Variants in MAST4 observed in about 807,000 individuals in gnomAD.
MAST4 encodes the protein microtubule-associated serine/threonine-protein kinase 4.
In MAST4, 89 loss-of-function variants were observed where a neutral mutation model predicts 162.7. That is an observed-to-expected ratio of 0.55 (90% CI 0.46 to 0.65). The LOEUF is 0.65. Ranked by LOEUF, MAST4 falls within the 30% of genes least tolerant of loss-of-function variation. The pLI, the probability that MAST4 is intolerant of heterozygous loss-of-function variation, is 0.00. For missense variants in MAST4, 3,153 were observed against 3,374.0 expected (o/e 0.93, Z 1.62); for synonymous variants, 1,479 against 1,361.1 (o/e 1.09, Z -1.91).
chr5:66,693,327 T>C (rs1749173560), intron 1 of MAST4, among the ~76,000 whole-genome samples: 1 of 152,222 alleles, frequency 6.6e-6, no homozygotes, highest in African/African-American at 2.4e-5. Flanking sequence ...GAATAAAATA[T>C]TCCAAAAAGT....
At chr5:66,972,249 G>C (rs1437951070) in intron 4 of MAST4, among the ~76,000 whole-genome samples, 1 of 152,140 alleles carries the variant, frequency 6.6e-6, no homozygotes, top group Non-Finnish European at 1.5e-5. Context: ...ATGAAACTGG[G>C]AGAGCTGTAC....
At chr5:67,114,349 A>G (rs1766628776) in intron 12 of MAST4, 130 bp downstream of exon 12, 2 of 1,133,034 alleles carry the variant, frequency 1.8e-6, no homozygotes, top group Admixed American at 6.3e-5. Flanking sequence ...ATATTTGGGG[A>G]CTGGTTGCTA....
intron 4 of MAST4, among the ~76,000 whole-genome samples, chr5:66,933,648 T>G (rs189183888): frequency 6.0e-4 from 91 of 152,310 alleles, no homozygotes; most frequent in African/African-American, 2.1e-3. Flanking sequence ...GTGATCTGCC[T>G]GACACTTGTT....
chr5:66,976,358 C>A (rs1251233616), intron 4 of MAST4, among the ~76,000 whole-genome samples: 1 of 152,228 alleles, frequency 6.6e-6, no homozygotes, highest in Non-Finnish European at 1.5e-5. Flanking sequence ...ACTGCTGCCA[C>A]CTCTGCATAT....
In MAST4 at chr5:67,106,635, T is replaced by C. The variant is rs562048738; in HGVS notation, c.1356+2060T>C. Among the ~76,000 whole-genome samples the C allele has an allele frequency of 2.3e-4, 35 of 152,342 alleles. 2 individuals are homozygous for C. Among genetic ancestry groups the C allele is most frequent in the Admixed American group, 2.2e-3 (33 of 15,296 alleles). On this transcript the variant is annotated intron_variant, in intron 10 of 28. Transcript: ENST00000403625. Reference sequence around the variant, plus strand: ...CTCCAGTCTTAACTCTTCAAATTCATACTTTTATGCAGCTGCAAGAATATC... The same window carrying C: ...CTCCAGTCTTAACTCTTCAAATTCACACTTTTATGCAGCTGCAAGAATATC...
At position 67,150,322 on chromosome 5, in the gene MAST4, C is replaced by T. The variant is rs148680508; in HGVS notation, c.3295+733C>T. Among the ~76,000 whole-genome samples the T allele has an allele frequency of 6.2e-3, 951 of 152,252 alleles. 6 individuals carry two copies. Among genetic ancestry groups the T allele is most frequent in the Non-Finnish European group, 8.7e-3 (591 of 68,018 alleles). Reference sequence around the variant, plus strand: ...GACAGCAAGAGAGTAGAATGGGACTCGAATTATATTGCAGATGGCTTGTTT... The same window carrying T: ...GACAGCAAGAGAGTAGAATGGGACTTGAATTATATTGCAGATGGCTTGTTT... On this transcript the variant is annotated intron_variant, in intron 24 of 28. Transcript: ENST00000403625.
At position 66,993,931 on chromosome 5, in the gene MAST4, C is replaced by CG. The variant is rs1554078107; in HGVS notation, c.675-60473_675-60472insG. The stretch of plus-strand genomic sequence containing the variant: ...TGGGTGTGCAGAAGACCCCCCCCCC[C>CG]ACCCCACCAAATCTGCATTTCTAAC... On this transcript the variant is annotated intron_variant, in intron 4 of 28. Transcript: ENST00000403625. 3.7e-5 allele frequency among the ~76,000 whole-genome samples: 4 copies of CG among 108,828 alleles called. No homozygotes were observed. In the East Asian group the frequency reaches 1.1e-3, roughly 29 times the overall value. 71.4% of individuals were successfully genotyped at this position (108,828 alleles called of 152,430 possible).
At chr5:66,710,982 A>C (rs1750461164) in intron 1 of MAST4, among the ~76,000 whole-genome samples, 1 of 152,200 alleles carries the variant, frequency 6.6e-6, no homozygotes, top group South Asian at 2.1e-4. Flanking sequence ...TTATTCCAGA[A>C]GCATCCTCAT....
At chr5:66,684,316 A>G (rs1175238057) in intron 1 of MAST4, among the ~76,000 whole-genome samples, 1 of 152,058 alleles carries the variant, frequency 6.6e-6, no homozygotes, top group African/African-American at 2.4e-5. Flanking sequence ...TCTATTGTAG[A>G]GTTGTTGGAG....
At chr5:67,031,721 A>G (rs1488232406) in intron 4 of MAST4, among the ~76,000 whole-genome samples, 2 of 152,082 alleles carry the variant, frequency 1.3e-5, no homozygotes, top group Admixed American at 6.6e-5. Flanking sequence ...TATCCCTACA[A>G]TCTAAATTGT....
rs143994617 is a variant in MAST4 at position 67,089,892 on chromosome 5, A to G, written c.764-270A>G. ...TTGAAATATTTGTATTGTTATCTCC[A>G]TGCAGGACTCCTGGTTGGTGATATA... On this transcript the variant is annotated intron_variant, in intron 5 of 28. Transcript: ENST00000403625. Among the ~76,000 whole-genome samples the G allele has an allele frequency of 6.9e-3, 1,054 of 152,284 alleles. 16 individuals are homozygous for G. The highest frequency in any genetic ancestry group is 0.024 in the African/African-American group (1,001 of 41,560).
intron 1 of MAST4, 53 bp from the exon 2 acceptor site, chr5:66,759,656 T>A: frequency 6.3e-7 from 1 of 1,593,794 alleles, no homozygotes; most frequent in Non-Finnish European, 8.6e-7. Flanking sequence ...GGTCTTTCAT[T>A]CTAGGCTGTG....
intron 8 of MAST4, among the ~76,000 whole-genome samples, chr5:67,100,966 A>G (rs963259314): frequency 2.6e-5 from 4 of 152,222 alleles, no homozygotes; most frequent in African/African-American, 9.6e-5. Flanking sequence ...TTAAAATTCC[A>G]GATTCCATAT....
intron 4 of MAST4, among the ~76,000 whole-genome samples, chr5:66,972,737 A>G (rs1354130868): frequency 2.6e-5 from 4 of 152,152 alleles, no homozygotes; most frequent in Admixed American, 2.6e-4. Flanking sequence ...ATCAGTCTCC[A>G]TCCAGCTCTC....
At chr5:66,969,212 C>T (rs905089851) in intron 4 of MAST4, among the ~76,000 whole-genome samples, 24 of 152,060 alleles carry the variant, frequency 1.6e-4, no homozygotes, top group African/African-American at 5.8e-4. Flanking sequence ...TTAGAGCTGC[C>T]ATTCTCCATT....
chr5:66,775,667 CAAAAGAACAATGGTTCTTT>C (rs1754567180), intron 2 of MAST4, among the ~76,000 whole-genome samples: 2 of 90,696 alleles, frequency 2.2e-5, no homozygotes, highest in South Asian at 6.0e-4. Context: ...AATGGTTCTT[CAAAAGAACAATGGTTCTTT>C]TGCTTTGAAA....
intron 4 of MAST4, among the ~76,000 whole-genome samples, chr5:67,027,330 A>G (rs1254105780): frequency 1.3e-5 from 2 of 152,172 alleles, no homozygotes; most frequent in African/African-American, 2.4e-5. Context: ...CAGATTCCCA[A>G]CTATGCTGTG....
At chr5:67,142,341 T>A in intron 20 of MAST4, 80 bp from the exon 21 acceptor site, 1 of 1,530,084 alleles carries the variant, frequency 6.5e-7, no homozygotes. Flanking sequence ...AACATAATGT[T>A]GATCCAGAAA....
chr5:67,131,945 C>A lies in MAST4; in HGVS notation c.2087C>A (p.Pro696Gln). ...NYGIVHRDLK[P>Q]DNLLVTSMGH... ...GGAATTGTACACAGGGATTTGAAAC[C>A]AGACAAGTATGTACACAAATGAAAT... The change falls in exon 16 of 29, where the codon CCA (proline) becomes CAA (glutamine). Residue 696 changes from proline to glutamine, a missense_variant. Physicochemically the swap from Pro to Gln is moderately conservative, Grantham distance 76. Transcript: ENST00000403625. 1.9e-6 allele frequency: 3 copies of A among 1,612,556 alleles called. No individual in the cohort carries two copies. Among genetic ancestry groups the A allele is most frequent in the Non-Finnish European group, 2.5e-6 (3 of 1,178,998 alleles).
Sources: allele counts gnomAD v4.1 joint callset (sites outside exome capture counted in the v4.1 genomes callset), GRCh38; gene constraint gnomAD v4.1.1; transcripts MANE v1.5; gene names NCBI Gene and HGNC (gene_info 2026-07-23, HGNC 2026-07-21).